The following TET2 variants were observed in gnomAD, a reference collection of about 807,000 sequenced individuals.
TET2 encodes methylcytosine dioxygenase TET2.
TET2 carries 299 observed loss-of-function variants against 142.9 expected under a neutral mutation model. That is an observed-to-expected ratio of 2.09 (90% CI 1.90 to 2.30). The LOEUF is 2.30. Ranked by LOEUF, TET2 falls within the 30% of genes most tolerant of loss-of-function variation. The pLI is 0.00. For synonymous variants in TET2, 819 were observed against 849.0 expected, an observed-to-expected ratio of 0.96 and a Z score of 0.61; for missense variants, 2,418 against 2,378.0, an observed-to-expected ratio of 1.02 and a Z score of -0.35.
intron 1 of TET2, among the ~76,000 whole-genome samples, chr4:105,163,168 C>G (rs534958687): frequency 3.9e-5 from 6 of 152,100 alleles, no homozygotes; most frequent in Admixed American, 2.0e-4. Context: ...CTTTTTTGAG[C>G]TTTTCATCTT....
At chr4:105,233,111 C>T (rs867785323) in intron 2 of TET2, among the ~76,000 whole-genome samples, 7 of 151,996 alleles carry the variant, frequency 4.6e-5, no homozygotes, top group African/African-American at 9.7e-5. Flanking sequence ...AGGTGGGGTG[C>T]GGTGGCTCAC....
intron 2 of TET2, among the ~76,000 whole-genome samples, chr4:105,222,077 G>A (rs1727863077): frequency 6.6e-6 from 1 of 151,280 alleles, no homozygotes; most frequent in African/African-American, 2.4e-5. Context: ...GTATTCCATG[G>A]TGTATATGTG....
intron 2 of TET2, among the ~76,000 whole-genome samples, chr4:105,194,570 T>C (rs931681437): frequency 1.3e-5 from 2 of 152,176 alleles, no homozygotes; most frequent in African/African-American, 4.8e-5. Flanking sequence ...ACTTTAAGAC[T>C]TCATTGTTAC....
chr4:105,170,988 A>G (rs934680964), intron 1 of TET2, among the ~76,000 whole-genome samples: 8 of 152,124 alleles, frequency 5.3e-5, no homozygotes, highest in African/African-American at 1.4e-4. Flanking sequence ...ACTGTTTCCA[A>G]TATCTTTAAC....
chr4:105,279,067 A>G lies in TET2; in HGVS notation c.*2548A>G. ...TTTTGTCTTTTTAAAAAATTTCTTG[A>G]ATTTGTGGTTGTGTCCAATTTGCAA... On this transcript the variant is annotated 3_prime_UTR_variant, in exon 11 of 11. Transcript: ENST00000380013. The G allele has an allele frequency of 4.3e-6, 1 of 232,826 alleles. No homozygotes were observed. Among genetic ancestry groups the G allele is most frequent in the Non-Finnish European group, 8.5e-6 (1 of 117,808 alleles). The allele number at this position is 232,826 out of a possible 1,614,324, so 14.4% of individuals were successfully genotyped here.
At chr4:105,191,295 C>A (rs1194642138) in intron 2 of TET2, among the ~76,000 whole-genome samples, 2 of 152,158 alleles carry the variant, frequency 1.3e-5, no homozygotes, top group Non-Finnish European at 2.9e-5. Flanking sequence ...ATGCCATGAC[C>A]TGCTGAGTGT....
At position 105,234,212 on chromosome 4, in the gene TET2, A is replaced by G. The variant is rs1279179265; in HGVS notation, c.270A>G (p.Gln90=). The G allele has an allele frequency of 3.1e-6, 5 of 1,614,048 alleles. No individual in the cohort carries two copies. Among genetic ancestry groups the G allele is most frequent in the African/African-American group, 1.3e-5 (1 of 74,948 alleles). Residue 90 remains glutamine, a synonymous_variant, in exon 3 of 11, where the codon CAA becomes CAG. Coordinates refer to ENST00000380013, the MANE Select transcript of TET2 (RefSeq NM_001127208.3). ...GTAGAGGGTATTCCAAGTGTTTGCA[A>G]AATGGAGGAATAAAACGCACAGTTA... is the stretch of plus-strand genomic sequence containing the variant. ...QESRGYSKCL[Q]NGGIKRTVSE...
Position 105,276,205 on chromosome 4 carries a change from CT to C in TET2, c.5696del (p.Leu1899ProfsTer9). Reference sequence around the variant, plus strand: ...TAGGAATCACCCCACCAGGATCTCCCTCGTCTTTTACCAGCATAAGAGCATG... The same window carrying C: ...TAGGAATCACCCCACCAGGATCTCCCCGTCTTTTACCAGCATAAGAGCATG... ...PNRNHPTRIS[L>X]VFYQHKSMNE... On this transcript the variant is annotated frameshift_variant, in exon 11 of 11. Coordinates refer to ENST00000380013, the MANE Select transcript of TET2 (RefSeq NM_001127208.3). LOFTEE classifies it high-confidence loss of function. 6.4e-7 allele frequency: 1 copy of C among 1,551,650 alleles called. No individual in the cohort carries two copies. The highest frequency in any genetic ancestry group is 8.7e-7 in the Non-Finnish European group (1 of 1,146,988).
chr4:105,185,314 C>G (rs1174397067), intron 1 of TET2, among the ~76,000 whole-genome samples: 6 of 152,124 alleles, frequency 3.9e-5, no homozygotes, highest in Non-Finnish European at 8.8e-5. Context: ...TGAATAAGAG[C>G]ACAGGCTCTG....
intron 1 of TET2, among the ~76,000 whole-genome samples, chr4:105,152,570 C>A (rs1318660140): frequency 4.1e-5 from 6 of 145,504 alleles, no homozygotes; most frequent in African/African-American, 1.3e-4. Flanking sequence ...AATCTATTTT[C>A]TTTTCCTTTT....
At chr4:105,257,060 T>A (rs1730172420) in intron 6 of TET2, among the ~76,000 whole-genome samples, 1 of 152,208 alleles carries the variant, frequency 6.6e-6, no homozygotes, top group Non-Finnish European at 1.5e-5. Context: ...ACATCTGGAC[T>A]TTTTCAGGAA....
chr4:105,170,765 TA>T (rs1325686567), intron 1 of TET2, among the ~76,000 whole-genome samples: 4 of 152,212 alleles, frequency 2.6e-5, no homozygotes, highest in Non-Finnish European at 5.9e-5. Context: ...GTGTTTCAAT[TA>T]CATTGTGCAT....
At chr4:105,165,711 T>TTCTAAG (rs1724117016) in intron 1 of TET2, among the ~76,000 whole-genome samples, 2 of 152,338 alleles carry the variant, frequency 1.3e-5, no homozygotes, top group South Asian at 4.1e-4. Context: ...TTGAGTACCT[T>TTCTAAG]TCTAAGTCTG....
Position 105,269,723 on chromosome 4 carries a change from C to T in TET2, c.4158C>T (p.His1386=). 6.4e-7 allele frequency: 1 copy of T among 1,551,634 alleles called. No individual in the cohort carries two copies. Among genetic ancestry groups the T allele is most frequent in the South Asian group, 1.2e-5 (1 of 84,064 alleles). Reference sequence around the variant, plus strand: ...GTGCTCATGCCCACAGAGACTTGCACAACATGCAGAATGGCAGCACATTGG... The same window carrying T: ...GTGCTCATGCCCACAGAGACTTGCATAACATGCAGAATGGCAGCACATTGG... ...DFCAHAHRDL[H]NMQNGSTLVC... Residue 1386 remains histidine (H), a synonymous_variant, in exon 9 of 11, where the codon CAC becomes CAT. Transcript: ENST00000380013.
chr4:105,252,228 T>C (rs749531962), intron 6 of TET2, among the ~76,000 whole-genome samples: 18 of 152,236 alleles, frequency 1.2e-4, no homozygotes, highest in Non-Finnish European at 2.5e-4. Context: ...GATCTTTTTA[T>C]CTCAATAATT....
At position 105,264,549 on chromosome 4, in the gene TET2, G is replaced by A. The variant is rs141742913; in HGVS notation, c.4044+2701G>A. 2.2e-3 allele frequency among the ~76,000 whole-genome samples: 329 copies of A among 152,112 alleles called. 3 individuals carry two copies. Among genetic ancestry groups the A allele is most frequent in the African/African-American group, 7.7e-3 (319 of 41,494 alleles). On this transcript the variant is annotated intron_variant, in intron 8 of 10. Coordinates refer to ENST00000380013, the MANE Select transcript of TET2 (RefSeq NM_001127208.3). ...ATTTTATACATTTCCTAAAACTTAAGTACCCAAAATATGAAGCCATCAAAT... is the reference window on the plus strand; with the variant it reads ...ATTTTATACATTTCCTAAAACTTAAATACCCAAAATATGAAGCCATCAAAT...
chr4:105,209,238 A>G (rs1477157502), intron 2 of TET2, among the ~76,000 whole-genome samples: 2 of 151,106 alleles, frequency 1.3e-5, no homozygotes, highest in African/African-American at 4.9e-5. Flanking sequence ...AGTCTGATTA[A>G]TAACGTTTAA....
chr4:105,211,068 A>G (rs1016218283), intron 2 of TET2, among the ~76,000 whole-genome samples: 1 of 152,186 alleles, frequency 6.6e-6, no homozygotes, highest in African/African-American at 2.4e-5. Flanking sequence ...ACTGAGAACT[A>G]ACTAGACCAG....
chr4:105,236,812 T>A lies in TET2; in HGVS notation c.2870T>A (p.Leu957Ter). ...CATGCTGCTCTAAGGTGGCATCTCTTACAGAAGCAAGAACAGCAGCAAACA... is the reference window on the plus strand; with the variant it reads ...CATGCTGCTCTAAGGTGGCATCTCTAACAGAAGCAAGAACAGCAGCAAACA... ...QKHAALRWHLLQKQEQQQTQQ... is the reference protein window; with the variant it reads ...QKHAALRWHL The change falls in exon 3 of 11, where the codon TTA becomes TAA. Residue 957 changes from leucine to a stop codon, truncating the protein, a stop_gained. Transcript: ENST00000380013. LOFTEE classifies it high-confidence loss of function. 1 of 1,614,038 alleles carries A rather than the reference T, an allele frequency of 6.2e-7. No individual in the cohort carries two copies. Among genetic ancestry groups the A allele is most frequent in the Non-Finnish European group, 8.5e-7 (1 of 1,179,990 alleles).
Sources: allele counts gnomAD v4.1 joint callset (sites outside exome capture counted in the v4.1 genomes callset), GRCh38; gene constraint gnomAD v4.1.1; transcripts MANE v1.5; gene names NCBI Gene and HGNC (gene_info 2026-07-23, HGNC 2026-07-21).